Variants in FAM193A observed in about 807,000 individuals in gnomAD.
The protein encoded by FAM193A is protein FAM193A.
Under a neutral mutation model 126.5 loss-of-function variants are expected in FAM193A, and 22 were observed. The ratio of observed to expected loss-of-function variants is 0.17; its 90% CI spans 0.12 to 0.25. The LOEUF (loss-of-function observed/expected upper bound fraction) is 0.25, where lower values mean the gene tolerates loss of function less well. Ranked by LOEUF, FAM193A falls within the 10% of genes least tolerant of loss-of-function variation. FAM193A has a pLI of 1.00. For missense variants in FAM193A, 1,675 were observed against 1,672.8 expected (o/e 1.00, Z -0.02); for synonymous variants, 761 against 646.8 (o/e 1.18, Z -2.68).
intron 2 of FAM193A, among the ~76,000 whole-genome samples, chr4:2,609,053 G>T (rs1031467581): frequency 6.6e-6 from 1 of 151,790 alleles, no homozygotes; most frequent in Non-Finnish European, 1.5e-5. Flanking sequence ...ACCACGGCTG[G>T]CTAATTTTTT....
chr4:2,705,768 T>C (rs1718234826), intron 19 of FAM193A, among the ~76,000 whole-genome samples: 1 of 148,784 alleles, frequency 6.7e-6, no homozygotes, highest in Admixed American at 6.8e-5. Context: ...TTTTTTTTTT[T>C]AGTAGAAACA....
At chr4:2,728,101 T>G (rs1417545792) in intron 20 of FAM193A, among the ~76,000 whole-genome samples, 3 of 151,944 alleles carry the variant, frequency 2.0e-5, no homozygotes, top group Non-Finnish European at 4.4e-5. Flanking sequence ...CTGGCTAATT[T>G]TGTATTTTTA....
At chr4:2,652,625 C>A (rs570301724) in intron 7 of FAM193A, among the ~76,000 whole-genome samples, 4 of 152,100 alleles carry the variant, frequency 2.6e-5, no homozygotes, top group Non-Finnish European at 5.9e-5. Context: ...CTCGCTATCA[C>A]GAGAACAGCA....
At chr4:2,613,723 G>T (rs1291444793) in intron 2 of FAM193A, among the ~76,000 whole-genome samples, 1 of 151,446 alleles carries the variant, frequency 6.6e-6, no homozygotes, top group African/African-American at 2.4e-5. Flanking sequence ...CAAAGTGCTG[G>T]GATTACAGGC....
At chr4:2,578,150 TG>T (rs1335860764) in intron 1 of FAM193A, among the ~76,000 whole-genome samples, 1 of 152,164 alleles carries the variant, frequency 6.6e-6, no homozygotes, top group Non-Finnish European at 1.5e-5. Flanking sequence ...ACTGCAGCCT[TG>T]ACTTCCCGGG....
intron 20 of FAM193A, among the ~76,000 whole-genome samples, chr4:2,724,720 C>A (rs1215432841): frequency 6.6e-6 from 1 of 152,008 alleles, no homozygotes; most frequent in African/African-American, 2.4e-5. Context: ...AAAAACCAAA[C>A]AGAGGATAAA....
In FAM193A at chr4:2,585,763, C is replaced by T. The variant is rs189535498; in HGVS notation, c.256-10321C>T. Among the ~76,000 whole-genome samples, 14 of 152,166 alleles carry T rather than the reference C, an allele frequency of 9.2e-5. No individual in the cohort carries two copies. In the East Asian group the frequency reaches 2.7e-3, roughly 29 times the overall value. ...CCAACATGGCAAAACCCCGTCTTTA[C>T]TAAAAAATACAGAAATTAGCTGGGT... On this transcript the variant is annotated intron_variant, in intron 1 of 20. Coordinates refer to ENST00000637812, the MANE Select transcript of FAM193A (RefSeq NM_001366318.2).
At chr4:2,717,102 C>T (rs1719624718) in intron 20 of FAM193A, among the ~76,000 whole-genome samples, 1 of 152,172 alleles carries the variant, frequency 6.6e-6, no homozygotes, top group African/African-American at 2.4e-5. Flanking sequence ...GCCTCAGCCT[C>T]CTGACTAACT....
At chr4:2,664,784 C>T (rs952354805) in intron 12 of FAM193A, among the ~76,000 whole-genome samples, 11 of 151,896 alleles carry the variant, frequency 7.2e-5, no homozygotes, top group Non-Finnish European at 1.5e-4. Flanking sequence ...AGGCTGGTCT[C>T]GAACTCCTGA....
intron 2 of FAM193A, among the ~76,000 whole-genome samples, chr4:2,620,057 C>T (rs903175911): frequency 2.6e-5 from 4 of 152,066 alleles, no homozygotes; most frequent in African/African-American, 7.2e-5. Context: ...CTTTTGGTTT[C>T]GTTACTGGAT....
At chr4:2,606,935 T>C (rs563727979) in intron 2 of FAM193A, among the ~76,000 whole-genome samples, 3 of 152,200 alleles carry the variant, frequency 2.0e-5, no homozygotes, top group Non-Finnish European at 4.4e-5. Flanking sequence ...CAAATTGCCT[T>C]GAAGTGACGG....
At position 2,715,563 on chromosome 4, in the gene FAM193A, A is replaced by G. The variant is rs16843266; in HGVS notation, c.4373-460A>G. ...TCTGGGTCCTCTTCCTGTCAAGGGCACATTCGAGGGACAGCCCTTTCCTTA... is the reference window on the plus strand; with the variant it reads ...TCTGGGTCCTCTTCCTGTCAAGGGCGCATTCGAGGGACAGCCCTTTCCTTA... On this transcript the variant is annotated intron_variant, in intron 19 of 20. Coordinates refer to ENST00000637812, the MANE Select transcript of FAM193A (RefSeq NM_001366318.2). 2.5e-3 allele frequency: 2,467 copies of G among 976,252 alleles called. 53 individuals carry two copies. The African/African-American group carries it at 0.039, about 16-fold the overall frequency. 60.5% of individuals were successfully genotyped at this position (976,252 alleles called of 1,614,324 possible).
At chr4:2,730,844 G>A (rs931207328) in intron 20 of FAM193A, among the ~76,000 whole-genome samples, 3 of 152,036 alleles carry the variant, frequency 2.0e-5, no homozygotes, top group Admixed American at 1.3e-4. Flanking sequence ...AGTGAGCCAA[G>A]ATCGTGCCAC....
At chr4:2,582,360 T>C (rs78174299) in intron 1 of FAM193A, among the ~76,000 whole-genome samples, 4,360 of 152,180 alleles carry the variant, frequency 0.029, 220 homozygotes, top group African/African-American at 0.099. Flanking sequence ...AGGCTACTCC[T>C]GAACTCCTGG....
chr4:2,696,053 T>TAAAA (rs1553911839), intron 17 of FAM193A, among the ~76,000 whole-genome samples: 4 of 151,816 alleles, frequency 2.6e-5, no homozygotes, highest in African/African-American at 7.3e-5. Context: ...AATAAATAAA[T>TAAAA]AAAATACATT....
intron 12 of FAM193A, among the ~76,000 whole-genome samples, chr4:2,667,066 CTTG>C (rs1427840204): frequency 6.6e-6 from 1 of 152,200 alleles, no homozygotes; most frequent in Non-Finnish European, 1.5e-5. Context: ...TTTATTGAGA[CTTG>C]TTGATGGCCT....
chr4:2,653,339 AGT>A (rs1287990405), intron 7 of FAM193A, among the ~76,000 whole-genome samples: 4 of 152,256 alleles, frequency 2.6e-5, no homozygotes, highest in Admixed American at 2.6e-4. Context: ...AGAAAATAAC[AGT>A]GTCACTTAAA....
intron 1 of FAM193A, among the ~76,000 whole-genome samples, chr4:2,562,386 A>T (rs1055437170): frequency 1.3e-5 from 2 of 152,126 alleles, no homozygotes; most frequent in Non-Finnish European, 2.9e-5. Flanking sequence ...TCGGAGTTAA[A>T]CACTGCAGTG....
At chr4:2,696,634 G>T in intron 18 of FAM193A, 41 bp downstream of exon 18, 1 of 1,536,616 alleles carries the variant, frequency 6.5e-7, no homozygotes, top group East Asian at 2.3e-5. Flanking sequence ...CCAGGTCTGA[G>T]GGCATTTGAA....
Sources: gnomAD v4.1 joint callset for allele counts (sites outside exome capture counted in the v4.1 genomes callset) on GRCh38, gnomAD v4.1.1 for gene constraint, MANE v1.5 for transcripts, NCBI Gene and HGNC (gene_info 2026-07-23, HGNC 2026-07-21) for gene names.